Variants in RAP1GAP2 observed in about 807,000 individuals in gnomAD.
The protein encoded by RAP1GAP2 is rap1 GTPase-activating protein 2.
A neutral mutation model predicts 95.0 loss-of-function variants in RAP1GAP2; 27 were observed. The observed-to-expected ratio is 0.28, with a 90% CI of 0.21 to 0.39. RAP1GAP2 has a LOEUF of 0.39. Among genes scored for constraint, RAP1GAP2 ranks in the 10% least tolerant of loss-of-function variants. The probability of loss-of-function intolerance (pLI) is 1.00; values close to 1 mark genes in which losing one functional copy is unlikely to be tolerated. For synonymous variants in RAP1GAP2, 373 were observed against 380.9 expected, an observed-to-expected ratio of 0.98 and a Z score of 0.24; for missense variants, 771 against 970.0, an observed-to-expected ratio of 0.79 and a Z score of 2.72.
intron 1 of RAP1GAP2, among the ~76,000 whole-genome samples, chr17:2,789,858 C>T (rs1427393065): frequency 6.6e-6 from 1 of 151,454 alleles, no homozygotes; most frequent in African/African-American, 2.4e-5. Context: ...TCTTGGAACT[C>T]AGTTTTTACA....
rs935166406 is a variant in RAP1GAP2, at chr17:2,796,728, G to A, written c.44+157G>A. On this transcript the variant is annotated intron_variant, in intron 1 of 24. Transcript: ENST00000254695. The surrounding 1 kb of genome is among the most constrained non-coding windows in gnomAD (Gnocchi z 4.7). ...GCAGGTCGAGATGCAGGATCCTGGT[G>A]GGGACATCAGAGACCGTAAGCCTTC... Among the ~76,000 whole-genome samples, 2 of 152,176 alleles carry A rather than the reference G, an allele frequency of 1.3e-5. No individual in the cohort carries two copies. The highest frequency in any genetic ancestry group is 6.5e-5 in the Admixed American group (1 of 15,278).
rs547467763 is a variant in RAP1GAP2 at position 3,018,651 on chromosome 17, C to T, written c.1632+453C>T. 1.8e-3 allele frequency among the ~76,000 whole-genome samples: 270 copies of T among 152,276 alleles called. 1 individual carries two copies. Among genetic ancestry groups the T allele is most frequent in the African/African-American group, 6.2e-3 (257 of 41,548 alleles). On this transcript the variant is annotated intron_variant, in intron 18 of 24. Coordinates refer to ENST00000254695, the MANE Select transcript of RAP1GAP2 (RefSeq NM_015085.5). ...TGAGTAACCTGTAGACACAATCTCA[C>T]CTGCTTCCCATAGCAGCTGCCCGAG...
At chr17:2,901,498 C>T (rs1035677297) in intron 2 of RAP1GAP2, among the ~76,000 whole-genome samples, 35 of 152,104 alleles carry the variant, frequency 2.3e-4, no homozygotes, top group Middle Eastern at 3.4e-3. Flanking sequence ...GGGGCTGGGT[C>T]GCTTGAGGGC....
At chr17:2,970,273 C>CAAAAAAAA (rs869121536) in intron 8 of RAP1GAP2, among the ~76,000 whole-genome samples, 40 of 109,470 alleles carry the variant, frequency 3.7e-4, no homozygotes, top group Admixed American at 5.8e-4. Flanking sequence ...GACTCTGTCT[C>CAAAAAAAA]AAAAAAAAAA....
chr17:2,910,382 TG>T (rs1352561040), intron 3 of RAP1GAP2, among the ~76,000 whole-genome samples: 1 of 152,174 alleles, frequency 6.6e-6, no homozygotes, highest in African/African-American at 2.4e-5. Flanking sequence ...GGCCTCTGCT[TG>T]GTTGACACAT....
Position 2,885,240 on chromosome 17 carries a change from G to A in RAP1GAP2, c.81-20044G>A, listed in dbSNP as rs151126263. Among the ~76,000 whole-genome samples the A allele has an allele frequency of 8.9e-3, 1,359 of 151,990 alleles. 16 individuals carry two copies. The highest frequency in any genetic ancestry group is 0.014 in the Non-Finnish European group (948 of 67,936). ...GTAGAGATGGGGTTTCCCCATGTTG[G>A]CCAGGCTGGTCTCGAACTCCTGACC... is the stretch of plus-strand genomic sequence containing the variant. On this transcript the variant is annotated intron_variant, in intron 2 of 24. Transcript: ENST00000254695.
At chr17:2,765,780 A>C (rs562768479) in intron 1 of RAP1GAP2, among the ~76,000 whole-genome samples, 3 of 150,848 alleles carry the variant, frequency 2.0e-5, no homozygotes, top group African/African-American at 7.3e-5. Flanking sequence ...CAGCCTGGCC[A>C]ATATGGTGAA....
rs1227662342 is a variant in RAP1GAP2, at chr17:2,828,570, A to G, written c.80+28020A>G. On this transcript the variant is annotated intron_variant, in intron 2 of 24. Transcript: ENST00000254695. ...AGGCCCCTGAAGAGCCGGCGGGAAG[A>G]GCGGGTGGATGGGAACACAGTTTCC... Among the ~76,000 whole-genome samples, 4 of 152,046 alleles carry G rather than the reference A, an allele frequency of 2.6e-5. No individual in the cohort carries two copies. The South Asian group carries it at 6.2e-4, about 24-fold the overall frequency.
At position 2,981,197 on chromosome 17, in the gene RAP1GAP2, T is replaced by C. The variant is rs1309223337; in HGVS notation, c.678T>C (p.Ala226=). The change falls in exon 10 of 25, where the codon GCT becomes GCC. Residue 226 remains alanine (A), a splice_region_variant and synonymous_variant. Transcript: ENST00000254695. ...TGCGTCTTCTTCTCCCTTCTCAGGC[T>C]TTCTGTGATGATGCAGTGGGACTGA... ...KLPSVPQIAK[A]FCDDAVGLRF... The C allele has an allele frequency of 6.2e-7, 1 of 1,612,556 alleles. No individual in the cohort carries two copies. The highest frequency in any genetic ancestry group is 1.3e-5 in the African/African-American group (1 of 75,006).
intron 17 of RAP1GAP2, among the ~76,000 whole-genome samples, chr17:3,013,665 TGA>T (rs1303485804): frequency 1.5e-5 from 2 of 133,420 alleles, no homozygotes; most frequent in Admixed American, 8.1e-5. Context: ...GTGGGAGCCT[TGA>T]AAATTCGTGG....
chr17:2,801,486 AAG>A (rs1555544687), intron 2 of RAP1GAP2, among the ~76,000 whole-genome samples: 1 of 150,034 alleles, frequency 6.7e-6, no homozygotes, highest in Non-Finnish European at 1.5e-5. Context: ...AAAAAAAAAA[AAG>A]AAAGATAATT....
At chr17:2,910,015 A>T (rs777086086) in intron 3 of RAP1GAP2, among the ~76,000 whole-genome samples, 1 of 152,194 alleles carries the variant, frequency 6.6e-6, no homozygotes, top group Non-Finnish European at 1.5e-5. Context: ...CTAACCACCC[A>T]TGAGGGATTT....
chr17:3,020,108 A>G (rs2046905187), intron 18 of RAP1GAP2, among the ~76,000 whole-genome samples: 1 of 152,192 alleles, frequency 6.6e-6, no homozygotes, highest in Admixed American at 6.5e-5. Context: ...CCTTGCCGGT[A>G]AAGTGAGAGG....
intron 2 of RAP1GAP2, among the ~76,000 whole-genome samples, chr17:2,863,580 T>C (rs905250382): frequency 6.6e-6 from 1 of 152,194 alleles, no homozygotes; most frequent in African/African-American, 2.4e-5. Context: ...CTTTTTCTCT[T>C]TCTCTACTGT....
At position 2,918,432 on chromosome 17, in the gene RAP1GAP2, CAAAAAAAAAAAA is replaced by C. The variant is rs533808717; in HGVS notation, c.165+13074_165+13085del. On this transcript the variant is annotated intron_variant, in intron 3 of 24. Coordinates refer to ENST00000254695, the MANE Select transcript of RAP1GAP2 (RefSeq NM_015085.5). ...TGGGCAATAGAATGAGACTCCATCT[CAAAAAAAAAAAA>C]AAAAAAAAAGAAAGGTTTAACTGGC... Among the ~76,000 whole-genome samples the C allele has an allele frequency of 1.1e-4, 7 of 65,414 alleles. No homozygotes were observed. In the Admixed American group the frequency reaches 1.1e-3, roughly 10 times the overall value. 42.9% of individuals were successfully genotyped at this position (65,414 alleles called of 152,430 possible). A position where few individuals can be genotyped will look rare whatever the true frequency, so the allele number is the denominator to read the frequency against.
At chr17:2,845,380 T>C (rs1179075387) in intron 2 of RAP1GAP2, among the ~76,000 whole-genome samples, 2 of 152,122 alleles carry the variant, frequency 1.3e-5, no homozygotes, top group East Asian at 3.9e-4. Context: ...TGACCTCAAG[T>C]GATCCACCTG....
chr17:2,817,509 G>A lies in RAP1GAP2; in HGVS notation c.80+16959G>A, dbSNP rs1347494927. 2.5e-5 allele frequency among the ~76,000 whole-genome samples: 3 copies of A among 118,612 alleles called. 1 individual carries two copies. Among genetic ancestry groups the A allele is most frequent in the Non-Finnish European group, 6.0e-5 (3 of 49,716 alleles). 77.8% of individuals were successfully genotyped at this position (118,612 alleles called of 152,430 possible). On this transcript the variant is annotated intron_variant, in intron 2 of 24. Coordinates refer to ENST00000254695, the MANE Select transcript of RAP1GAP2 (RefSeq NM_015085.5). ...TAGGAGCAGAATTGCTGATCGTATG[G>A]CAATTCTATGTATAGTTTTTTTTTT...
intron 3 of RAP1GAP2, among the ~76,000 whole-genome samples, chr17:2,917,443 T>C (rs2151757777): frequency 6.6e-6 from 1 of 152,052 alleles, no homozygotes; most frequent in South Asian, 2.1e-4. Context: ...GCTAATTTTA[T>C]ATTTTTAGTA....
At chr17:2,806,077 A>G (rs1219425022) in intron 2 of RAP1GAP2, among the ~76,000 whole-genome samples, 1 of 152,194 alleles carries the variant, frequency 6.6e-6, no homozygotes, top group East Asian at 1.9e-4. Context: ...TTTCTTCCCT[A>G]GGAGAAGGAC....
Sources: gnomAD v4.1 joint callset for allele counts (sites outside exome capture counted in the v4.1 genomes callset) on GRCh38, gnomAD v4.1.1 for gene constraint, Gnocchi (gnomAD v3.1) non-coding constraint, MANE v1.5 for transcripts, NCBI Gene and HGNC (gene_info 2026-07-23, HGNC 2026-07-21) for gene names.